PDE8B: variants seen among roughly 807,000 people sequenced by gnomAD.
PDE8B encodes the protein phosphodiesterase 8B, also known as high affinity cAMP-specific and IBMX-insensitive 3',5'-cyclic phosphodiesterase 8B.
In PDE8B, 26 loss-of-function variants were observed where a neutral mutation model predicts 101.3. The ratio of observed to expected loss-of-function variants is 0.26; its 90% CI spans 0.19 to 0.36. The LOEUF (loss-of-function observed/expected upper bound fraction) is 0.36, where lower values mean the gene tolerates loss of function less well. Ranked by LOEUF, PDE8B falls within the 10% of genes least tolerant of loss-of-function variation. The pLI is 1.00. For missense variants in PDE8B, 810 were observed against 1,163.1 expected (o/e 0.70, Z 4.42); for synonymous variants, 424 against 429.3 (o/e 0.99, Z 0.15).
the PDE8B span, among the ~76,000 whole-genome samples, chr5:77,189,019 C>A: frequency 6.6e-6 from 1 of 152,272 alleles, no homozygotes; most frequent in South Asian, 2.1e-4. Context: ...TCTTTCTCCC[C>A]TAAGCCCTTC....
chr5:77,136,381 C>T, the PDE8B span, among the ~76,000 whole-genome samples: 1 of 152,068 alleles, frequency 6.6e-6, no homozygotes, highest in Non-Finnish European at 1.5e-5. Context: ...ACTATCTGTT[C>T]TTATTTGAGA....
At chr5:77,409,974 G>A (rs1052823044) in intron 14 of PDE8B, among the ~76,000 whole-genome samples, 2 of 152,272 alleles carry the variant, frequency 1.3e-5, no homozygotes, top group African/African-American at 4.8e-5. Flanking sequence ...AGGCAGCACT[G>A]CCAAGGGCTC....
intron 4 of PDE8B, among the ~76,000 whole-genome samples, chr5:77,329,995 T>A (rs1158754145): frequency 6.6e-6 from 1 of 152,186 alleles, no homozygotes; most frequent in African/African-American, 2.4e-5. Context: ...GGGCTATGTC[T>A]TCTCACTTTG....
chr5:77,306,414 C>T (rs1771221288), intron 1 of PDE8B, among the ~76,000 whole-genome samples: 1 of 152,184 alleles, frequency 6.6e-6, no homozygotes, highest in Admixed American at 6.5e-5. Context: ...AACTCACAGT[C>T]TTGCCAAGGA....
chr5:77,387,057 G>A (rs1438580340), intron 10 of PDE8B, among the ~76,000 whole-genome samples: 2 of 150,404 alleles, frequency 1.3e-5, no homozygotes, highest in East Asian at 1.9e-4. Context: ...CTAATTTTTT[G>A]TATTTTTAGT....
chr5:77,136,923 A>T, the PDE8B span, among the ~76,000 whole-genome samples: 2 of 152,186 alleles, frequency 1.3e-5, no homozygotes, highest in Non-Finnish European at 2.9e-5. Flanking sequence ...TGTTTATTAA[A>T]TAGATTTTGA....
chr5:77,416,448 C>T (rs1375260700), intron 17 of PDE8B, among the ~76,000 whole-genome samples: 1 of 152,150 alleles, frequency 6.6e-6, no homozygotes, highest in Non-Finnish European at 1.5e-5. Context: ...GCTTGGAGAT[C>T]GCTGAACGTG....
At chr5:77,243,781 C>G (rs1225122881) in intron 1 of PDE8B, among the ~76,000 whole-genome samples, 1 of 152,048 alleles carries the variant, frequency 6.6e-6, no homozygotes, top group Non-Finnish European at 1.5e-5. Context: ...TAAATTTTTG[C>G]TATTATAAGT....
At position 77,386,865 on chromosome 5, in the gene PDE8B, C is replaced by CTTTTTTTTT. The variant is rs59393259; in HGVS notation, c.1168-13362_1168-13354dup. On this transcript the variant is annotated intron_variant, in intron 10 of 21. Coordinates refer to ENST00000264917, the MANE Select transcript of PDE8B (RefSeq NM_003719.5). The stretch of plus-strand genomic sequence containing the variant: ...TTTTGCCTGTTAGTTGATGTAGTTT[C>CTTTTTTTTT]TTTTTTTTTTTTTTTTTTTTTTTTT... Among the ~76,000 whole-genome samples the CTTTTTTTTT allele has an allele frequency of 5.3e-4, 27 of 51,080 alleles. 6 individuals are homozygous for CTTTTTTTTT. Among genetic ancestry groups the CTTTTTTTTT allele is most frequent in the African/African-American group, 2.3e-3 (25 of 10,756 alleles). The allele number at this position is 51,080 out of a possible 152,430, so 33.5% of individuals were successfully genotyped here.
chr5:77,260,113 C>T (rs1002639693), intron 1 of PDE8B, among the ~76,000 whole-genome samples: 3 of 145,756 alleles, frequency 2.1e-5, no homozygotes, highest in East Asian at 2.0e-4. Context: ...GCAAACATCA[C>T]GCCATTGTGC....
chr5:77,352,562 C>T (rs1201960246), intron 9 of PDE8B, among the ~76,000 whole-genome samples: 2 of 152,148 alleles, frequency 1.3e-5, no homozygotes, highest in East Asian at 1.9e-4. Flanking sequence ...TTTACCTCTT[C>T]CTAGTTGGGT....
chr5:77,404,690 C>G, intron 11 of PDE8B, 30 bp from the exon 12 acceptor site: 1 of 1,280,564 alleles, frequency 7.8e-7, no homozygotes, highest in Non-Finnish European at 1.1e-6. Flanking sequence ...GAAAACTAAT[C>G]ACCTTCCCTT....
At chr5:77,148,403 A>G in the PDE8B span, 1 of 152,218 alleles carries the variant, frequency 6.6e-6, no homozygotes, top group Non-Finnish European at 1.5e-5. Flanking sequence ...TATGAGTGGA[A>G]TCACTAGATT....
At position 77,355,389 on chromosome 5, in the gene PDE8B, C is replaced by T. The variant is rs140408490; in HGVS notation, c.1167+1983C>T. On this transcript the variant is annotated intron_variant, in intron 10 of 21. Transcript: ENST00000264917. Reference sequence around the variant, plus strand: ...TAACTACAGTGTTTTTCCTCTTCATCGAAGGAGGCTGCAGCGAATGGCAAT... The same window carrying T: ...TAACTACAGTGTTTTTCCTCTTCATTGAAGGAGGCTGCAGCGAATGGCAAT... 1.2e-4 allele frequency among the ~76,000 whole-genome samples: 18 copies of T among 152,308 alleles called. 1 individual carries two copies. In the East Asian group the frequency reaches 3.1e-3, roughly 26 times the overall value.
the PDE8B span, among the ~76,000 whole-genome samples, chr5:77,133,148 T>C: frequency 1.3e-5 from 2 of 152,258 alleles, no homozygotes; most frequent in Non-Finnish European, 2.9e-5. Flanking sequence ...TATTAGCAAG[T>C]ATGTTGCAAG....
chr5:77,166,616 T>C, the PDE8B span: 1 of 152,140 alleles, frequency 6.6e-6, no homozygotes, highest in Admixed American at 6.5e-5. Flanking sequence ...AACACTCCCT[T>C]GTGTGTATAT....
At chr5:77,287,170 T>A (rs1766179301) in intron 1 of PDE8B, among the ~76,000 whole-genome samples, 1 of 152,118 alleles carries the variant, frequency 6.6e-6, no homozygotes, top group South Asian at 2.1e-4. Flanking sequence ...CCTTTATTAT[T>A]ATTTTTTTTA....
chr5:77,401,241 C>A (rs1217321398), intron 11 of PDE8B, among the ~76,000 whole-genome samples: 1 of 152,190 alleles, frequency 6.6e-6, no homozygotes, highest in Non-Finnish European at 1.5e-5. Flanking sequence ...AATGACACTT[C>A]ACACACAGGT....
chr5:77,348,979 G>T (rs1780619393), intron 7 of PDE8B, among the ~76,000 whole-genome samples: 1 of 152,200 alleles, frequency 6.6e-6, no homozygotes, highest in Non-Finnish European at 1.5e-5. Flanking sequence ...GAGCCACTGT[G>T]CCCAGCCTGA....
Sources: gnomAD v4.1 joint callset for allele counts (sites outside exome capture counted in the v4.1 genomes callset) on GRCh38, gnomAD v4.1.1 for gene constraint, MANE v1.5 for transcripts, NCBI Gene and HGNC (gene_info 2026-07-23, HGNC 2026-07-21) for gene names.